Variants in KIAA1958 observed in about 807,000 individuals in gnomAD.
KIAA1958 encodes KIAA1958, also known as uncharacterized protein KIAA1958.
In KIAA1958, 14 loss-of-function variants were observed where a neutral mutation model predicts 47.2. That is an observed-to-expected ratio of 0.30 (90% CI 0.20 to 0.46). The LOEUF (loss-of-function observed/expected upper bound fraction) is 0.46, where lower values mean the gene tolerates loss of function less well. KIAA1958 is among the 20% of genes least tolerant of loss of function. KIAA1958 has a pLI of 1.00. For synonymous variants in KIAA1958, 354 were observed against 353.3 expected (o/e 1.00, Z -0.02); for missense variants, 803 against 909.2 (o/e 0.88, Z 1.50).
chr9:112,590,604 G>A (rs1016102224), intron 2 of KIAA1958, among the ~76,000 whole-genome samples: 1 of 152,004 alleles, frequency 6.6e-6, no homozygotes, highest in African/African-American at 2.4e-5. Context: ...CACCCGCTTG[G>A]GCTCCCAAAG....
chr9:112,583,009 T>C (rs1835760523), intron 2 of KIAA1958, among the ~76,000 whole-genome samples: 1 of 152,158 alleles, frequency 6.6e-6, no homozygotes, highest in African/African-American at 2.4e-5. Context: ...TCCAGGTGAT[T>C]TTGTATGCGC....
intron 1 of KIAA1958, among the ~76,000 whole-genome samples, chr9:112,566,122 C>A (rs942545242): frequency 2.0e-5 from 3 of 152,102 alleles, no homozygotes; most frequent in Admixed American, 6.5e-5. Context: ...CCAGGATGGT[C>A]TTGATCTCCT....
Position 112,667,841 on chromosome 9 carries a change from A to G in KIAA1958, c.*7772A>G, listed in dbSNP as rs1837371074. On this transcript the variant is annotated 3_prime_UTR_variant, in exon 4 of 4. Transcript: ENST00000337530. ...GCAACCTACGAGGCTTGATTTAAAT[A>G]AAACAATGTTTGCTTAGTATCCTAA... 1 of 152,250 alleles carries G rather than the reference A, an allele frequency of 6.6e-6. No homozygotes were observed. Among genetic ancestry groups the G allele is most frequent in the Non-Finnish European group, 1.5e-5 (1 of 68,042 alleles). 9.4% of individuals were successfully genotyped at this position (152,250 alleles called of 1,614,324 possible). A position where few individuals can be genotyped will look rare whatever the true frequency, so the allele number is the denominator to read the frequency against.
chr9:112,494,119 A>C (rs990761096), intron 1 of KIAA1958, among the ~76,000 whole-genome samples: 1 of 152,184 alleles, frequency 6.6e-6, no homozygotes, highest in Non-Finnish European at 1.5e-5. Context: ...TAATACCAAT[A>C]TGATTTTCTT....
At chr9:112,588,113 ATCT>A (rs752688267) in intron 2 of KIAA1958, among the ~76,000 whole-genome samples, 9 of 152,136 alleles carry the variant, frequency 5.9e-5, no homozygotes, top group Non-Finnish European at 1.3e-4. Flanking sequence ...GCTTCTCACA[ATCT>A]TCTTATTGTC....
chr9:112,577,606 G>A (rs1279886573), intron 2 of KIAA1958, among the ~76,000 whole-genome samples: 2 of 151,368 alleles, frequency 1.3e-5, no homozygotes, highest in Non-Finnish European at 2.9e-5. Flanking sequence ...ACCCAGTTTG[G>A]TGAGAGTATT....
At chr9:112,640,652 G>C (rs927990490) in intron 2 of KIAA1958, among the ~76,000 whole-genome samples, 4 of 152,048 alleles carry the variant, frequency 2.6e-5, no homozygotes, top group African/African-American at 7.2e-5. Flanking sequence ...AATGCCTTAA[G>C]AGAAAAACAT....
At chr9:112,569,918 C>T (rs143236321) in intron 1 of KIAA1958, among the ~76,000 whole-genome samples, 1 of 152,256 alleles carries the variant, frequency 6.6e-6, no homozygotes, top group Non-Finnish European at 1.5e-5. Context: ...GCCACTGCAC[C>T]TGGCCCAAAT....
intron 2 of KIAA1958, among the ~76,000 whole-genome samples, chr9:112,591,240 C>T (rs554373229): frequency 1.3e-5 from 2 of 152,174 alleles, no homozygotes; most frequent in Admixed American, 1.3e-4. Context: ...CCCACCACCA[C>T]GCCCGGCTAA....
chr9:112,505,094 C>A (rs919850579), intron 1 of KIAA1958, among the ~76,000 whole-genome samples: 1 of 152,176 alleles, frequency 6.6e-6, no homozygotes, highest in African/African-American at 2.4e-5. Context: ...TTCTCTACCT[C>A]CATGTGGTCA....
At chr9:112,525,431 A>AT (rs1366235820) in intron 1 of KIAA1958, among the ~76,000 whole-genome samples, 1 of 152,230 alleles carries the variant, frequency 6.6e-6, no homozygotes, top group East Asian at 1.9e-4. Context: ...AAGCATACAA[A>AT]TCTTGGGAAA....
At chr9:112,638,806 C>A (rs1442135237) in intron 2 of KIAA1958, among the ~76,000 whole-genome samples, 2 of 151,576 alleles carry the variant, frequency 1.3e-5, no homozygotes, top group African/African-American at 2.4e-5. Context: ...TTTCTATATT[C>A]TTTTCTCTCT....
intron 2 of KIAA1958, among the ~76,000 whole-genome samples, chr9:112,622,184 G>A (rs532630657): frequency 6.6e-6 from 1 of 152,300 alleles, no homozygotes; most frequent in Non-Finnish European, 1.5e-5. Flanking sequence ...TGTCAAAATT[G>A]CATATATACT....
chr9:112,526,392 T>C (rs1268250852), intron 1 of KIAA1958, among the ~76,000 whole-genome samples: 1 of 152,040 alleles, frequency 6.6e-6, no homozygotes, highest in Non-Finnish European at 1.5e-5. Context: ...TAGCTGGGAT[T>C]ACAGGTGTGC....
intron 1 of KIAA1958, among the ~76,000 whole-genome samples, chr9:112,498,022 A>G (rs1260010423): frequency 6.6e-6 from 1 of 152,198 alleles, no homozygotes; most frequent in Non-Finnish European, 1.5e-5. Context: ...GATTAGTAAT[A>G]GCTTTTCCAG....
intron 1 of KIAA1958, among the ~76,000 whole-genome samples, chr9:112,569,325 A>C (rs1354406863): frequency 6.6e-6 from 1 of 152,220 alleles, no homozygotes; most frequent in Admixed American, 6.5e-5. Context: ...ACTGGTGATG[A>C]AACAGCAACA....
chr9:112,656,403 C>T (rs972844670), intron 3 of KIAA1958, among the ~76,000 whole-genome samples: 15 of 143,602 alleles, frequency 1.0e-4, no homozygotes, highest in African/African-American at 3.9e-4. Context: ...AAAAGCATTT[C>T]GAGGCTGGGA....
chr9:112,606,416 T>G (rs1836236773), intron 2 of KIAA1958, among the ~76,000 whole-genome samples: 2 of 152,248 alleles, frequency 1.3e-5, no homozygotes, highest in African/African-American at 4.8e-5. Context: ...GCCATTCAGT[T>G]TTCTAGACCT....
chr9:112,656,754 C>T (rs969553166), intron 3 of KIAA1958, among the ~76,000 whole-genome samples: 1 of 152,144 alleles, frequency 6.6e-6, no homozygotes, highest in Admixed American at 6.5e-5. Context: ...AATCATTTCA[C>T]ACTCTTTGGG....
Sources: allele counts gnomAD v4.1 joint callset (sites outside exome capture counted in the v4.1 genomes callset), GRCh38; gene constraint gnomAD v4.1.1; transcripts MANE v1.5; gene names NCBI Gene and HGNC (gene_info 2026-07-23, HGNC 2026-07-21).